The following RBFOX1 variants were observed in gnomAD, a reference collection of about 807,000 sequenced individuals.
RBFOX1 encodes RNA binding protein fox-1 homolog 1.
A neutral mutation model predicts 57.7 loss-of-function variants in RBFOX1; 8 were observed. That is an observed-to-expected ratio of 0.14 (90% CI 0.08 to 0.25). The LOEUF (loss-of-function observed/expected upper bound fraction) is 0.25. Among genes scored for constraint, RBFOX1 ranks in the 10% least tolerant of loss-of-function variants. The probability of loss-of-function intolerance (pLI) is 1.00; values close to 1 mark genes in which losing one functional copy is unlikely to be tolerated. For missense variants in RBFOX1, 611 were observed against 548.5 expected (o/e 1.11, Z -1.14); for synonymous variants, 326 against 222.4 (o/e 1.47, Z -4.15).
chr16:7,329,523 C>T (rs2096656691), intron 4 of RBFOX1, among the ~76,000 whole-genome samples: 1 of 152,104 alleles, frequency 6.6e-6, no homozygotes, highest in South Asian at 2.1e-4. Flanking sequence ...GAGAGCAGAA[C>T]CTATGTTAAG....
At chr16:6,772,278 G>C (rs149241988) in intron 3 of RBFOX1, among the ~76,000 whole-genome samples, 6 of 152,242 alleles carry the variant, frequency 3.9e-5, no homozygotes, top group African/African-American at 1.4e-4. Flanking sequence ...CCAGGCTATG[G>C]ATATACAGTG....
chr16:6,703,679 C>T lies in RBFOX1; in HGVS notation c.-16+49029C>T, dbSNP rs558397746. 4.9e-4 allele frequency among the ~76,000 whole-genome samples: 74 copies of T among 152,070 alleles called. 1 individual carries two copies. The highest frequency in any genetic ancestry group is 1.6e-4 in the Non-Finnish European group (11 of 67,984). ...CCATAGCTGAGCCACTGCACTCCAG[C>T]CTGGATGACACAGTTAGACCCAGTT... On this transcript the variant is annotated intron_variant, in intron 3 of 15. Coordinates refer to ENST00000550418, the MANE Select transcript of RBFOX1 (RefSeq NM_018723.4).
chr16:6,402,981 C>T (rs1304645587), intron 2 of RBFOX1, among the ~76,000 whole-genome samples: 1 of 152,234 alleles, frequency 6.6e-6, no homozygotes, highest in South Asian at 2.1e-4. Context: ...CAACCCTTGG[C>T]TTCTCAGTTT....
At chr16:7,041,456 G>A (rs74008540) in intron 3 of RBFOX1, among the ~76,000 whole-genome samples, 2,563 of 152,154 alleles carry the variant, frequency 0.017, 67 homozygotes, top group African/African-American at 0.056. Flanking sequence ...ATTACTTGTG[G>A]ACATTGGCAT....
At chr16:7,696,530 C>T (rs2078861152) in intron 14 of RBFOX1, among the ~76,000 whole-genome samples, 1 of 145,636 alleles carries the variant, frequency 6.9e-6, no homozygotes, top group Admixed American at 6.7e-5. Flanking sequence ...GTTACTTAAT[C>T]AGTGACTAGA....
rs1234150165 is a variant in RBFOX1, at chr16:5,985,047, G to A, written c.351+117712G>A. On this transcript the variant is annotated intron_variant, in intron 4 of 19. Coordinates refer to the RBFOX1 transcript ENST00000641259. Reference sequence around the variant, plus strand: ...GCCCAGGCTGGAGTGCAGTAGTAGTGCGATCTTGGCTCACTTCCACCTCCG... The same window carrying A: ...GCCCAGGCTGGAGTGCAGTAGTAGTACGATCTTGGCTCACTTCCACCTCCG... Among the ~76,000 whole-genome samples, 9 of 141,290 alleles carry A rather than the reference G, an allele frequency of 6.4e-5. No homozygotes were observed. In the East Asian group the frequency reaches 1.9e-3, roughly 30 times the overall value. 92.7% of individuals were successfully genotyped at this position (141,290 alleles called of 152,430 possible).
At chr16:5,536,228 CTTT>C (rs57061495) in intron 2 of RBFOX1, among the ~76,000 whole-genome samples, 1 of 103,536 alleles carries the variant, frequency 9.7e-6, no homozygotes, top group Non-Finnish European at 1.9e-5. Flanking sequence ...AATCTCCTGT[CTTT>C]TTTTTTTTTT....
At chr16:7,012,110 G>C (rs1183638834) in intron 3 of RBFOX1, among the ~76,000 whole-genome samples, 1 of 152,120 alleles carries the variant, frequency 6.6e-6, no homozygotes, top group Non-Finnish European at 1.5e-5. Context: ...AACAGCTTCA[G>C]AATCCATCCA....
At position 7,320,497 on chromosome 16, in the gene RBFOX1, A is replaced by G. The variant is rs139383474; in HGVS notation, c.28-197650A>G. Among the ~76,000 whole-genome samples, 312 of 152,190 alleles carry G rather than the reference A, an allele frequency of 2.1e-3. 3 individuals are homozygous for G. Among genetic ancestry groups the G allele is most frequent in the African/African-American group, 7.3e-3 (303 of 41,516 alleles). ...CTATCTTTGATGGGCATTTGTGTTGATTCCATGTCTTTGCTATTGTGATTA... is the reference window on the plus strand; with the variant it reads ...CTATCTTTGATGGGCATTTGTGTTGGTTCCATGTCTTTGCTATTGTGATTA... On this transcript the variant is annotated intron_variant, in intron 4 of 15. Transcript: ENST00000550418.
At chr16:6,917,372 G>A (rs1011396560) in intron 3 of RBFOX1, among the ~76,000 whole-genome samples, 4 of 152,180 alleles carry the variant, frequency 2.6e-5, no homozygotes, top group Non-Finnish European at 5.9e-5. Flanking sequence ...ATGAAATGAA[G>A]AGTTTCTGAA....
intron 2 of RBFOX1, among the ~76,000 whole-genome samples, chr16:5,559,045 A>T (rs910236327): frequency 2.6e-5 from 4 of 151,956 alleles, no homozygotes; most frequent in African/African-American, 7.3e-5. Context: ...TCACGTGGGT[A>T]CAGAGCTGGG....
chr16:6,278,149 A>G (rs780379765), intron 1 of RBFOX1, among the ~76,000 whole-genome samples: 1 of 152,146 alleles, frequency 6.6e-6, no homozygotes, highest in African/African-American at 2.4e-5. Flanking sequence ...GTGGAAAGCC[A>G]TAAAGAGGGG....
chr16:6,285,882 A>G (rs1015936986), intron 1 of RBFOX1, among the ~76,000 whole-genome samples: 1 of 152,194 alleles, frequency 6.6e-6, no homozygotes, highest in Admixed American at 6.5e-5. Context: ...TAACCCAAGA[A>G]GGAACGCAAC....
At position 6,134,683 on chromosome 16, in the gene RBFOX1, A is replaced by ATT. The variant is rs61209958; in HGVS notation, c.-127+114702_-127+114703dup. Among the ~76,000 whole-genome samples, 264 of 143,524 alleles carry ATT rather than the reference A, an allele frequency of 1.8e-3. 2 individuals carry two copies. Among genetic ancestry groups the ATT allele is most frequent in the African/African-American group, 6.1e-3 (237 of 38,812 alleles). 94.2% of individuals were successfully genotyped at this position (143,524 alleles called of 152,430 possible). ...CAATCTTTGTGCTTGAACTCAGAGT[A>ATT]TTTTTTTTTTTTGAAATGGAGTCTC... On this transcript the variant is annotated intron_variant, in intron 1 of 15. Coordinates refer to ENST00000550418, the MANE Select transcript of RBFOX1 (RefSeq NM_018723.4).
intron 3 of RBFOX1, among the ~76,000 whole-genome samples, chr16:7,037,967 T>C (rs868544887): frequency 6.6e-5 from 10 of 152,328 alleles, no homozygotes; most frequent in Middle Eastern, 6.8e-3. Context: ...AGCTCTGTAA[T>C]ATCCAATGAG....
intron 1 of RBFOX1, among the ~76,000 whole-genome samples, chr16:6,225,543 A>G (rs1012904121): frequency 2.6e-5 from 4 of 152,184 alleles, no homozygotes; most frequent in Non-Finnish European, 4.4e-5. Context: ...CCAGGGTTTT[A>G]AAATAGAAAG....
At chr16:5,567,760 TGTC>T (rs2151123246) in intron 2 of RBFOX1, among the ~76,000 whole-genome samples, 1 of 151,966 alleles carries the variant, frequency 6.6e-6, no homozygotes, top group South Asian at 2.1e-4. Context: ...CCATCATCAT[TGTC>T]GTCACCGTCA....
At chr16:6,862,029 G>A (rs991426439) in intron 3 of RBFOX1, among the ~76,000 whole-genome samples, 11 of 151,944 alleles carry the variant, frequency 7.2e-5, no homozygotes, top group African/African-American at 1.7e-4. Flanking sequence ...AACTCGATAA[G>A]CTCCAGTCAA....
chr16:7,092,248 G>C (rs1285410518), intron 4 of RBFOX1, among the ~76,000 whole-genome samples: 2 of 151,998 alleles, frequency 1.3e-5, no homozygotes, highest in African/African-American at 4.8e-5. Flanking sequence ...GTTTGTTTCT[G>C]CTTTAGTGTG....
Sources: gnomAD v4.1 joint callset for allele counts (sites outside exome capture counted in the v4.1 genomes callset) on GRCh38, gnomAD v4.1.1 for gene constraint, MANE v1.5 for transcripts, NCBI Gene and HGNC (gene_info 2026-07-23, HGNC 2026-07-21) for gene names.